Variants in CELSR2 observed in about 807,000 individuals in gnomAD.
CELSR2 encodes the protein cadherin EGF LAG seven-pass G-type receptor 2.
Under a neutral mutation model 251.6 loss-of-function variants are expected in CELSR2, and 81 were observed. The observed-to-expected ratio is 0.32, with a 90% CI of 0.27 to 0.39. The LOEUF (loss-of-function observed/expected upper bound fraction) is 0.39. Ranked by LOEUF, CELSR2 falls within the 10% of genes least tolerant of loss-of-function variation. The pLI is 1.00. For missense variants in CELSR2, 3,365 were observed against 3,947.7 expected (o/e 0.85, Z 3.96); for synonymous variants, 1,721 against 1,670.5 (o/e 1.03, Z -0.74).
rs1655624610 is a variant in CELSR2 at position 109,249,924 on chromosome 1, C to T, written c.-156C>T. On this transcript the variant is annotated 5_prime_UTR_variant, in exon 1 of 34. Transcript: ENST00000271332. Reference sequence around the variant, plus strand: ...CTCGTCGGAGGGTGCAGCGCGGGGTCCCGCCGAGCCATCCAGACGCAGGCC... The same window carrying T: ...CTCGTCGGAGGGTGCAGCGCGGGGTTCCGCCGAGCCATCCAGACGCAGGCC... 2 of 605,132 alleles carry T rather than the reference C, an allele frequency of 3.3e-6. No homozygotes were observed. Among genetic ancestry groups the T allele is most frequent in the Admixed American group, 1.0e-4 (2 of 19,784 alleles). 37.5% of individuals were successfully genotyped at this position (605,132 alleles called of 1,614,324 possible). A position where few individuals can be genotyped will look rare whatever the true frequency, so the allele number is the denominator to read the frequency against.
At position 109,251,501 on chromosome 1, in the gene CELSR2, G is replaced by T. The variant is rs41279704; in HGVS notation, c.1422G>T (p.Val474=). The change falls in exon 1 of 34, where the codon GTG becomes GTT. Residue 474 remains valine (V), a synonymous_variant. Coordinates refer to ENST00000271332, the MANE Select transcript of CELSR2 (RefSeq NM_001408.3). This position sits in a 1 kb window ranked among gnomAD's most constrained non-coding sequence, Gnocchi z 4.9. ...YETTKEYTLR[V]RAQDGGRPPL... is the part of the protein sequence containing the mutation. Reference sequence around the variant, plus strand: ...CGACCAAGGAGTACACCCTACGGGTGCGAGCACAGGATGGTGGCCGTCCCC... The same window carrying T: ...CGACCAAGGAGTACACCCTACGGGTTCGAGCACAGGATGGTGGCCGTCCCC... 4 of 1,613,754 alleles carry T rather than the reference G, an allele frequency of 2.5e-6. No individual in the cohort carries two copies. Among genetic ancestry groups the T allele is most frequent in the Admixed American group, 3.3e-5 (2 of 60,024 alleles).
At chr1:109,264,429 G>A (rs1242959593) in intron 10 of CELSR2, 25 bp from the exon 11 acceptor site, 6 of 1,604,926 alleles carry the variant, frequency 3.7e-6, no homozygotes, top group Non-Finnish European at 3.4e-6. Context: ...TCCACTGAGG[G>A]CAACACTGCT....
rs1570783936 is a variant in CELSR2 at position 109,261,992 on chromosome 1, G to A, written c.4386+96G>A. The A allele has an allele frequency of 7.4e-7, 1 of 1,343,296 alleles. No individual in the cohort carries two copies. 83.2% of individuals were successfully genotyped at this position (1,343,296 alleles called of 1,614,324 possible). On this transcript the variant is annotated intron_variant, in intron 5 of 33. Transcript: ENST00000271332. The surrounding 1 kb of genome is among the most constrained non-coding windows in gnomAD (Gnocchi z 4.8). ...ATTGCCTCCAGGCTTGGGTGGGCTG[G>A]TCAGGGCATTTCTGGCTGAGAGGAA...
chr1:109,270,125 G>C lies in CELSR2; in HGVS notation c.7300G>C (p.Asp2434His). The C allele has an allele frequency of 6.2e-7, 1 of 1,613,816 alleles. No homozygotes were observed. The highest frequency in any genetic ancestry group is 8.5e-7 in the Non-Finnish European group (1 of 1,179,992). ...CTTCCTCCTGGGAATCAACCAGGCTGACCTCCCTGTAAGATGCTCCTACTG... is the reference window on the plus strand; with the variant it reads ...CTTCCTCCTGGGAATCAACCAGGCTCACCTCCCTGTAAGATGCTCCTACTG... The part of the protein sequence containing the change: ...LVFLLGINQA[D>H]LPFACTVIAI... Residue 2434 changes from aspartate (D) to histidine (H), a missense_variant, in exon 23 of 34, where the codon GAC becomes CAC. Asp to His is a moderately conservative substitution (Grantham distance 81). Transcript: ENST00000271332.
Position 109,251,725 on chromosome 1 carries a change from A to C in CELSR2, c.1646A>C (p.His549Pro). 6.2e-7 allele frequency: 1 copy of C among 1,614,096 alleles called. No individual in the cohort carries two copies. Among genetic ancestry groups the C allele is most frequent in the Non-Finnish European group, 8.5e-7 (1 of 1,180,012 alleles). ...RLEYRLAGVG[H>P]DFPFTINNGT... ...GAATACCGCCTTGCTGGGGTGGGACATGACTTCCCCTTCACCATCAACAAT... is the reference window on the plus strand; with the variant it reads ...GAATACCGCCTTGCTGGGGTGGGACCTGACTTCCCCTTCACCATCAACAAT... Residue 549 changes from histidine (H) to proline (P), a missense_variant, in exon 1 of 34, where the codon CAT becomes CCT. Coordinates refer to ENST00000271332, the MANE Select transcript of CELSR2 (RefSeq NM_001408.3). This position sits in a 1 kb window ranked among gnomAD's most constrained non-coding sequence, Gnocchi z 4.9.
Position 109,269,532 on chromosome 1 carries a change from C to T in CELSR2, c.6921C>T (p.Arg2307=), listed in dbSNP as rs1231026983. 1.2e-6 allele frequency: 2 copies of T among 1,614,134 alleles called. No individual in the cohort carries two copies. Among genetic ancestry groups the T allele is most frequent in the South Asian group, 1.1e-5 (1 of 91,088 alleles). The change falls in exon 21 of 34, where the codon CGC becomes CGT. Residue 2307 remains arginine (R), a synonymous_variant. Coordinates refer to ENST00000271332, the MANE Select transcript of CELSR2 (RefSeq NM_001408.3). The surrounding 1 kb of genome is among the most constrained non-coding windows in gnomAD (Gnocchi z 6.4). ...ACAAACCCGTCACGGTGCAGTTCCG[C>T]CTGCTGGAGACAGAGGAGCGGACCA... ...ALDKPVTVQF[R]LLETEERTKP... is the part of the protein sequence containing the mutation.
rs2101285530 is a variant in CELSR2 at position 109,273,451 on chromosome 1, A to C, written c.8525A>C (p.Lys2842Thr). ...CGGCCCACAGGCATCCTTAAGAAGA[A>C]GTGTCTGCCCACCATCAGCGAGAAG... ...AQPHKGILKKKCLPTISEKSS... is the reference protein window; with the variant it reads ...AQPHKGILKKTCLPTISEKSS... The change falls in exon 33 of 34, where the codon AAG becomes ACG. Residue 2842 changes from lysine (K) to threonine (T), a missense_variant. Physicochemically the swap from Lys to Thr is moderately conservative, Grantham distance 78. Transcript: ENST00000271332. The C allele has an allele frequency of 1.2e-6, 2 of 1,612,336 alleles. No individual in the cohort carries two copies. Among genetic ancestry groups the C allele is most frequent in the Non-Finnish European group, 1.7e-6 (2 of 1,179,448 alleles).
Position 109,268,720 on chromosome 1 carries a change from G to A in CELSR2, c.6458G>A (p.Arg2153Gln), listed in dbSNP as rs771675760. Residue 2153 changes from arginine to glutamine, a missense_variant, in exon 18 of 34, where the codon CGG (arginine) becomes CAG (glutamine). This residue lies in a region of CELSR2 where 2,093 missense variants were observed against 2,382.8 expected (regional missense o/e 0.88). Coordinates refer to ENST00000271332, the MANE Select transcript of CELSR2 (RefSeq NM_001408.3). ...AYASALAQNM[R>Q]HTYLSPFTIV... Reference sequence around the variant, plus strand: ...GCCAGTGCCCTGGCCCAGAACATGCGGCACACCTACCTAAGCCCCTTCACC... The same window carrying A: ...GCCAGTGCCCTGGCCCAGAACATGCAGCACACCTACCTAAGCCCCTTCACC... The A allele has an allele frequency of 1.8e-5, 29 of 1,612,370 alleles. No homozygotes were observed. The highest frequency in any genetic ancestry group is 6.7e-5 in the African/African-American group (5 of 75,026).
chr1:109,252,106 A>G lies in CELSR2; in HGVS notation c.2027A>G (p.Lys676Arg). ...TCCCTTGCCCTGCCACTGGACTACA[A>G]ACTTGAGCGGCAGTATGTGTTGGCT... ...LVSLALPLDYKLERQYVLAVT... is the reference protein window; with the variant it reads ...LVSLALPLDYRLERQYVLAVT... The change falls in exon 1 of 34, where the codon AAA (lysine) becomes AGA (arginine). Residue 676 changes from lysine to arginine, a missense_variant. Transcript: ENST00000271332. The surrounding 1 kb of genome is among the most constrained non-coding windows in gnomAD (Gnocchi z 4.8). 6.2e-7 allele frequency: 1 copy of G among 1,614,006 alleles called. No individual in the cohort carries two copies. Among genetic ancestry groups the G allele is most frequent in the Non-Finnish European group, 8.5e-7 (1 of 1,179,996 alleles).
At position 109,267,919 on chromosome 1, in the gene CELSR2, G is replaced by C; in HGVS notation, c.6177G>C (p.Leu2059=). Reference sequence around the variant, plus strand: ...GCTCCCAGCAGCTAGCCCTGCTCCTGCGCAACGCCACGCAGCACACAGCTG... The same window carrying C: ...GCTCCCAGCAGCTAGCCCTGCTCCTCCGCAACGCCACGCAGCACACAGCTG... ...SGRSQQLALL[L]RNATQHTAGY... is the part of the protein sequence containing the mutation. The change falls in exon 17 of 34, where the codon CTG becomes CTC. Residue 2059 remains leucine, a synonymous_variant. Coordinates refer to ENST00000271332, the MANE Select transcript of CELSR2 (RefSeq NM_001408.3). 6.2e-7 allele frequency: 1 copy of C among 1,611,528 alleles called. No individual in the cohort carries two copies. Among genetic ancestry groups the C allele is most frequent in the Non-Finnish European group, 8.5e-7 (1 of 1,179,738 alleles).
Position 109,250,808 on chromosome 1 carries a change from A to G in CELSR2, c.729A>G (p.Thr243=). The stretch of plus-strand genomic sequence containing the variant: ...ACCCAGTCACTGGTGCAGTAACCAC[A>G]GCCGAGGAGCTGGATCGTGAGACCA... ...SLDPVTGAVT[T]AEELDRETKS... The change falls in exon 1 of 34, where the codon ACA becomes ACG. Residue 243 remains threonine (T), a synonymous_variant. Transcript: ENST00000271332. This position sits in a 1 kb window ranked among gnomAD's most constrained non-coding sequence, Gnocchi z 4.4. 1 of 1,614,076 alleles carries G rather than the reference A, an allele frequency of 6.2e-7. No homozygotes were observed. The highest frequency in any genetic ancestry group is 1.3e-5 in the African/African-American group (1 of 75,058).
chr1:109,267,679 C>T (rs375165726), intron 16 of CELSR2, 37 bp downstream of exon 16: 1 of 1,609,232 alleles, frequency 6.2e-7, no homozygotes, highest in Admixed American at 1.7e-5. Context: ...TTTCCCTGTC[C>T]TTCGTCCTGA....
rs758611733 is a variant in CELSR2, at chr1:109,274,318, G to C, written c.*269G>C. 6.1e-5 allele frequency: 41 copies of C among 666,814 alleles called. No individual in the cohort carries two copies. The highest frequency in any genetic ancestry group is 9.2e-5 in the African/African-American group (5 of 54,632). The allele number at this position is 666,814 out of a possible 1,614,324, so 41.3% of individuals were successfully genotyped here. A position where few individuals can be genotyped will look rare whatever the true frequency, so the allele number is the denominator to read the frequency against. ...CCAAGACAAAGTTTTTCAGAAAAGAGGAAAAAAAGAATTTAAAAAAGGATC... is the reference window on the plus strand; with the variant it reads ...CCAAGACAAAGTTTTTCAGAAAAGACGAAAAAAAGAATTTAAAAAAGGATC... On this transcript the variant is annotated 3_prime_UTR_variant, in exon 34 of 34. Transcript: ENST00000271332.
chr1:109,273,912 C>T, intron 33 of CELSR2, 110 bp from the exon 34 acceptor site: 2 of 1,423,216 alleles, frequency 1.4e-6, no homozygotes, highest in Non-Finnish European at 2.0e-6. Context: ...GGATGGGGAG[C>T]TGGGGGTGCT....
chr1:109,249,933 C>A lies in CELSR2; in HGVS notation c.-147C>A. On this transcript the variant is annotated 5_prime_UTR_variant, in exon 1 of 34. Coordinates refer to ENST00000271332, the MANE Select transcript of CELSR2 (RefSeq NM_001408.3). ...GGGTGCAGCGCGGGGTCCCGCCGAGCCATCCAGACGCAGGCCCCGCGGGGC... is the reference window on the plus strand; with the variant it reads ...GGGTGCAGCGCGGGGTCCCGCCGAGACATCCAGACGCAGGCCCCGCGGGGC... 1.5e-6 allele frequency: 1 copy of A among 686,840 alleles called. No individual in the cohort carries two copies. The highest frequency in any genetic ancestry group is 1.9e-6 in the Non-Finnish European group (1 of 517,178). The allele number at this position is 686,840 out of a possible 1,614,324, so 42.5% of individuals were successfully genotyped here.
At position 109,270,935 on chromosome 1, in the gene CELSR2, G is replaced by T; in HGVS notation, c.7492G>T (p.Val2498Leu). The change falls in exon 25 of 34, where the codon GTG becomes TTG. Residue 2498 changes from valine (V) to leucine (L), a missense_variant. This residue lies in a region of CELSR2 where 2,093 missense variants were observed against 2,382.8 expected (regional missense o/e 0.88). Transcript: ENST00000271332. ...CTGTCTCCATGCTCCAGGGCTAGCC[G>T]TGGGCCTGGACCCCGAGGGCTACGG... ...GVPAFITGLA[V>L]GLDPEGYGNP... is the part of the protein sequence containing the mutation. The T allele has an allele frequency of 6.2e-7, 1 of 1,612,268 alleles. No individual in the cohort carries two copies. The highest frequency in any genetic ancestry group is 8.5e-7 in the Non-Finnish European group (1 of 1,178,732).
chr1:109,272,271 T>C lies in CELSR2; in HGVS notation c.7927-7T>C. The stretch of plus-strand genomic sequence containing the variant: ...CCCACTTACTGACCTCTCTGTTCCC[T>C]GCCTAGTCCTACAACTGCCCCAGCC... On this transcript the variant is annotated splice_polypyrimidine_tract_variant and splice_region_variant and intron_variant, in intron 28 of 33. Transcript: ENST00000271332. The C allele has an allele frequency of 6.3e-7, 1 of 1,575,832 alleles. No homozygotes were observed. The highest frequency in any genetic ancestry group is 8.6e-7 in the Non-Finnish European group (1 of 1,157,432).
Position 109,263,686 on chromosome 1 carries a change from C to T in CELSR2, c.4910C>T (p.Pro1637Leu). 1 of 1,614,006 alleles carries T rather than the reference C, an allele frequency of 6.2e-7. No homozygotes were observed. Among genetic ancestry groups the T allele is most frequent in the Non-Finnish European group, 8.5e-7 (1 of 1,179,996 alleles). Residue 1637 changes from proline (P) to leucine (L), a missense_variant, in exon 9 of 34, where the codon CCC (proline) becomes CTC (leucine). Pro to Leu is a moderately conservative substitution (Grantham distance 98). Transcript: ENST00000271332. ...GGCCTCTCGCTGCCCATCTCCCAAC[C>T]CTGGTACCTCAGCCTCATGTTCCGC... The part of the protein sequence containing the change: ...WHGLSLPISQ[P>L]WYLSLMFRTR...
rs1656340587 is a variant in CELSR2 at position 109,270,536 on chromosome 1, T to C, written c.7419T>C (p.Asp2473=). The change falls in exon 24 of 34, where the codon GAT becomes GAC. Residue 2473 remains aspartate, a synonymous_variant. Transcript: ENST00000271332. The stretch of plus-strand genomic sequence containing the variant: ...ACCGGGCACTCACTGAGGTGCGCGA[T>C]GTCAACACCGGCCCCATGCGCTTCT... ...HLYRALTEVR[D]VNTGPMRFYY... 6.2e-7 allele frequency: 1 copy of C among 1,614,060 alleles called. No individual in the cohort carries two copies. The highest frequency in any genetic ancestry group is 1.1e-5 in the South Asian group (1 of 91,094).
Sources: allele counts gnomAD v4.1 joint callset, GRCh38; gene constraint gnomAD v4.1.1; regional missense constraint gnomAD v4.1.1; non-coding constraint Gnocchi (gnomAD v3.1); transcripts MANE v1.5; gene names NCBI Gene and HGNC (gene_info 2026-07-23, HGNC 2026-07-21).